The following CHRNA4 variants were observed in gnomAD, a reference collection of about 807,000 sequenced individuals.
CHRNA4 encodes cholinergic receptor nicotinic alpha 4 subunit.
Under a neutral mutation model 48.9 loss-of-function variants are expected in CHRNA4, and 28 were observed. The ratio of observed to expected loss-of-function variants is 0.57; its 90% CI spans 0.42 to 0.79. CHRNA4 has a LOEUF of 0.79. Ranked by LOEUF, CHRNA4 falls within the 30% of genes least tolerant of loss-of-function variation. The pLI is 0.00. For synonymous variants in CHRNA4, 425 were observed against 402.3 expected (o/e 1.06, Z -0.68); for missense variants, 859 against 898.4 (o/e 0.96, Z 0.56).
chr20:63,355,500 C>T (rs1568816134), intron 4 of CHRNA4: 2 of 1,289,934 alleles, frequency 1.6e-6, no homozygotes, highest in Non-Finnish European at 2.0e-6. Flanking sequence ...CCTCACCCCT[C>T]TCCAGGGCAC....
intron 3 of CHRNA4, 97 bp from the exon 4 acceptor site, chr20:63,356,181 C>T (rs1351425718): frequency 1.7e-6 from 1 of 586,366 alleles, no homozygotes; most frequent in East Asian, 4.5e-5. Flanking sequence ...AGGGCCAGGG[C>T]AGGGCAGCAG....
In CHRNA4 at chr20:63,353,680, A is replaced by G. The variant is rs529551640; in HGVS notation, c.383+2295T>C. Among the ~76,000 whole-genome samples, 34 of 24,276 alleles carry G rather than the reference A, an allele frequency of 1.4e-3. No individual in the cohort carries two copies. In the East Asian group the frequency reaches 0.015, roughly 11 times the overall value. The allele number at this position is 24,276 out of a possible 152,430, so 15.9% of individuals were successfully genotyped here. ...GGGGCTGTGGTCCTGGGAGGGCTGC[A>G]GTCCTAGGAGGCTGTGGTCCTGGGG... On this transcript the variant is annotated intron_variant, in intron 4 of 5. Coordinates refer to ENST00000370263, the MANE Select transcript of CHRNA4 (RefSeq NM_000744.7).
intron 2 of CHRNA4, among the ~76,000 whole-genome samples, chr20:63,357,046 A>AT (rs201806007): frequency 0.079 from 9,056 of 114,262 alleles, 405 homozygotes; most frequent in South Asian, 0.17. Context: ...ACAGGACCAC[A>AT]ACCCACAGGA....
In CHRNA4 at chr20:63,349,937, A is replaced by G. The variant is rs1339509110; in HGVS notation, c.1474T>C (p.Cys492Arg). 2 of 1,586,296 alleles carry G rather than the reference A, an allele frequency of 1.3e-6. No individual in the cohort carries two copies. The highest frequency in any genetic ancestry group is 8.6e-7 in the Non-Finnish European group (1 of 1,165,106). ...VRCRSRSIQY[C>R]VPRDDAAPEA... ...GGGGCGGCATCGTCTCGGGGAACACAGTACTGGATGCTCCGAGACCGGCAC... is the reference window on the plus strand; with the variant it reads ...GGGGCGGCATCGTCTCGGGGAACACGGTACTGGATGCTCCGAGACCGGCAC... The change falls in exon 5 of 6, where the codon TGT becomes CGT. Residue 492 changes from cysteine to arginine, a missense_variant. By Grantham distance (180) the Cys-to-Arg change is radical (BLOSUM62 -3). Around this residue, in one of 3 missense-constraint regions of CHRNA4, gnomAD observed 478 missense variants for 455.4 expected, o/e 1.05. Transcript: ENST00000370263.
chr20:63,360,016 A>G, intron 1 of CHRNA4: 1 of 374,064 alleles, frequency 2.7e-6, no homozygotes. Context: ...GAAGCTTCCC[A>G]GGCCCCTCAG....
Position 63,346,033 on chromosome 20 carries a change from G to A in CHRNA4, c.*705C>T, listed in dbSNP as rs1423949439. On this transcript the variant is annotated 3_prime_UTR_variant, in exon 6 of 6. Coordinates refer to ENST00000370263, the MANE Select transcript of CHRNA4 (RefSeq NM_000744.7). ...GTCCCCCGCGGAGGGCCTGCGCAGG[G>A]GAGAGCTGGTCCCGCGTGGGCCTCC... 2.2e-6 allele frequency: 1 copy of A among 454,006 alleles called. No individual in the cohort carries two copies. Among genetic ancestry groups the A allele is most frequent in the South Asian group, 1.6e-5 (1 of 64,470 alleles). The allele number at this position is 454,006 out of a possible 1,614,324, so 28.1% of individuals were successfully genotyped here.
chr20:63,361,074 G>T lies in CHRNA4; in HGVS notation c.76+16C>A. 7.0e-7 allele frequency: 1 copy of T among 1,436,448 alleles called. No individual in the cohort carries two copies. The highest frequency in any genetic ancestry group is 9.1e-7 in the Non-Finnish European group (1 of 1,097,694). The allele number at this position is 1,436,448 out of a possible 1,614,324, so 89.0% of individuals were successfully genotyped here. ...ACGCGGGCGAAAGGGGGCCCATCCC[G>T]CGCCCCGTAACTTACCGCGCAGGAG... On this transcript the variant is annotated intron_variant, in intron 1 of 5. Coordinates refer to ENST00000370263, the MANE Select transcript of CHRNA4 (RefSeq NM_000744.7).
rs2068576410 is a variant in CHRNA4 at position 63,350,483 on chromosome 20, G to A, written c.928C>T (p.Leu310=). 6.2e-7 allele frequency: 1 copy of A among 1,613,960 alleles called. No homozygotes were observed. The highest frequency in any genetic ancestry group is 8.5e-7 in the Non-Finnish European group (1 of 1,180,016). ...SLVIPLIGEY[L]LFTMIFVTLS... ...GTGACGAAGATCATGGTGAACAGCAGGTACTCGCCGATGAGTGGGATGACC... is the reference window on the plus strand; with the variant it reads ...GTGACGAAGATCATGGTGAACAGCAAGTACTCGCCGATGAGTGGGATGACC... The change falls in exon 5 of 6, where the codon CTG becomes TTG. Residue 310 remains leucine, a synonymous_variant. Coordinates refer to ENST00000370263, the MANE Select transcript of CHRNA4 (RefSeq NM_000744.7).
chr20:63,355,874 G>C (rs1022602660), intron 4 of CHRNA4, 101 bp downstream of exon 4: 1 of 1,509,894 alleles, frequency 6.6e-7, no homozygotes, highest in Non-Finnish European at 9.0e-7. Context: ...CGCTGGGCCA[G>C]GCTGGGCCTT....
intron 4 of CHRNA4, among the ~76,000 whole-genome samples, chr20:63,354,227 AGGGG>A (rs2068681562): frequency 3.3e-5 from 1 of 30,290 alleles, no homozygotes; most frequent in Non-Finnish European, 5.9e-5. Flanking sequence ...CTGTGGTCCT[AGGGG>A]GCTGTGGTCC....
chr20:63,355,683 T>C (rs572394984), intron 4 of CHRNA4: 6 of 987,364 alleles, frequency 6.1e-6, no homozygotes, highest in Non-Finnish European at 8.7e-6. Context: ...TGTGTCCAGG[T>C]GCCATAGCCA....
chr20:63,360,994 G>A, intron 1 of CHRNA4, 96 bp downstream of exon 1: 1 of 1,070,496 alleles, frequency 9.3e-7, no homozygotes, highest in Non-Finnish European at 1.2e-6. Flanking sequence ...CCGCGGCTTG[G>A]GACCGCAGTC....
At chr20:63,359,787 C>G in intron 1 of CHRNA4, 88 bp from the exon 2 acceptor site, 1 of 1,484,030 alleles carries the variant, frequency 6.7e-7, no homozygotes, top group South Asian at 1.2e-5. Flanking sequence ...CCCCAGCCCC[C>G]TGCCCAGCAC....
intron 5 of CHRNA4, 80 bp downstream of exon 5, chr20:63,349,573 G>A (rs2068548474): frequency 1.9e-6 from 3 of 1,575,224 alleles, no homozygotes; most frequent in Middle Eastern, 1.8e-4. Context: ...CCGGCTCCTG[G>A]ATTACACACC....
intron 4 of CHRNA4, among the ~76,000 whole-genome samples, chr20:63,351,526 C>T (rs1568812539): frequency 6.6e-6 from 1 of 152,182 alleles, no homozygotes; most frequent in Non-Finnish European, 1.5e-5. Context: ...ATCCCTATGT[C>T]CCCGCCCCTC....
intron 4 of CHRNA4, chr20:63,355,303 G>A (rs915780624): frequency 5.6e-6 from 2 of 358,508 alleles, no homozygotes; most frequent in African/African-American, 2.1e-5. Context: ...CGCTGCCCTG[G>A]CTTCCAGGCA....
At chr20:63,353,465 A>AGGGGGGCTGTGGTACTG (rs2068646891) in intron 4 of CHRNA4, among the ~76,000 whole-genome samples, 1 of 35,088 alleles carries the variant, frequency 2.8e-5, no homozygotes, top group African/African-American at 1.2e-4. Flanking sequence ...CTGTGGTCCT[A>AGGGGGGCTGTGGTACTG]GGGGGGCTGT....
chr20:63,358,944 T>TA (rs1209406614), intron 2 of CHRNA4, among the ~76,000 whole-genome samples: 2 of 114 alleles, frequency 0.018, no homozygotes, highest in African/African-American at 0.071. Flanking sequence ...TCCTGGTTCC[T>TA]ATCCTGCCTT....
chr20:63,353,293 G>A (rs1205098496), intron 4 of CHRNA4, among the ~76,000 whole-genome samples: 1 of 152,194 alleles, frequency 6.6e-6, no homozygotes, highest in Admixed American at 6.5e-5. Context: ...GGCCACTCCA[G>A]GAACCCTGGG....
Sources: gnomAD v4.1 joint callset for allele counts (sites outside exome capture counted in the v4.1 genomes callset) on GRCh38, gnomAD v4.1.1 for gene constraint, gnomAD v4.1.1 regional missense constraint, MANE v1.5 for transcripts, NCBI Gene and HGNC (gene_info 2026-07-23, HGNC 2026-07-21) for gene names.